The following ITGA11 variants were observed in gnomAD, a reference collection of about 807,000 sequenced individuals.
The protein encoded by ITGA11 is integrin subunit alpha 11.
A neutral mutation model predicts 141.9 loss-of-function variants in ITGA11; 97 were observed. The ratio of observed to expected loss-of-function variants is 0.68; its 90% CI spans 0.58 to 0.81. The LOEUF is 0.81. Ranked by LOEUF, ITGA11 falls within the 30% of genes least tolerant of loss-of-function variation. ITGA11 has a pLI of 0.00. For missense variants in ITGA11, 1,387 were observed against 1,559.2 expected (o/e 0.89, Z 1.86); for synonymous variants, 658 against 624.6 (o/e 1.05, Z -0.80).
At chr15:68,417,976 G>A (rs573373600) in intron 1 of ITGA11, among the ~76,000 whole-genome samples, 1 of 152,352 alleles carries the variant, frequency 6.6e-6, no homozygotes, top group East Asian at 1.9e-4. Flanking sequence ...TCCCACTGGA[G>A]TTTAAGTTCC....
chr15:68,411,058 G>A (rs1010985429), intron 1 of ITGA11, among the ~76,000 whole-genome samples: 1 of 152,244 alleles, frequency 6.6e-6, no homozygotes, highest in African/African-American at 2.4e-5. Context: ...TGGACTGTGA[G>A]CATCCCATGA....
At position 68,300,961 on chromosome 15, in the gene ITGA11, T is replaced by C. The variant is rs576345356; in HGVS notation, c.*2098A>G. 2.0e-5 allele frequency: 3 copies of C among 152,338 alleles called. No individual in the cohort carries two copies. Among genetic ancestry groups the C allele is most frequent in the East Asian group, 1.9e-4 (1 of 5,184 alleles). 9.4% of individuals were successfully genotyped at this position (152,338 alleles called of 1,614,324 possible). ...TTGGTGCTAAGTCAATGAAAACTTATGAGTGTGGGTTCATTAATTCTCATT... is the reference window on the plus strand; with the variant it reads ...TTGGTGCTAAGTCAATGAAAACTTACGAGTGTGGGTTCATTAATTCTCATT... On this transcript the variant is annotated 3_prime_UTR_variant, in exon 30 of 30. Coordinates refer to ENST00000315757, the MANE Select transcript of ITGA11 (RefSeq NM_001004439.2).
chr15:68,426,540 G>T (rs1463975200), intron 1 of ITGA11, among the ~76,000 whole-genome samples: 1 of 152,168 alleles, frequency 6.6e-6, no homozygotes, highest in Non-Finnish European at 1.5e-5. Context: ...TCAGCATCTT[G>T]TTGGAGGAGT....
chr15:68,330,464 T>C (rs1330624518), intron 15 of ITGA11, among the ~76,000 whole-genome samples: 2 of 150,374 alleles, frequency 1.3e-5, no homozygotes, highest in Non-Finnish European at 2.9e-5. Context: ...CTCATCAACA[T>C]ATATGAAAAA....
chr15:68,389,364 C>T (rs1036605894), intron 2 of ITGA11, among the ~76,000 whole-genome samples: 45 of 152,240 alleles, frequency 3.0e-4, no homozygotes, highest in Admixed American at 5.9e-4. Flanking sequence ...TAGTGCTGGG[C>T]CCTGTGGACA....
rs1442347527 is a variant in ITGA11, at chr15:68,305,908, C to T, written c.3381+1440G>A. ...TTCTAAAAGAGAAATGAGGCATGGCCGGGCACGGTGGCTCATGCCTGTAAT... is the reference window on the plus strand; with the variant it reads ...TTCTAAAAGAGAAATGAGGCATGGCTGGGCACGGTGGCTCATGCCTGTAAT... On this transcript the variant is annotated intron_variant, in intron 28 of 29. Transcript: ENST00000315757. This position sits in a 1 kb window ranked among gnomAD's most constrained non-coding sequence, Gnocchi z 4.6. 2.0e-5 allele frequency among the ~76,000 whole-genome samples: 3 copies of T among 151,884 alleles called. No homozygotes were observed. The highest frequency in any genetic ancestry group is 4.1e-4 in the South Asian group (2 of 4,820).
At chr15:68,353,353 A>T (rs151038948) in intron 7 of ITGA11, among the ~76,000 whole-genome samples, 5,339 of 152,276 alleles carry the variant, frequency 0.035, 321 homozygotes, top group African/African-American at 0.12. Flanking sequence ...GGCACGTGCC[A>T]CATGACGAGA....
rs1893905773 is a variant in ITGA11, at chr15:68,324,380, T to A, written c.2322+751A>T. Among the ~76,000 whole-genome samples the A allele has an allele frequency of 6.6e-6, 1 of 152,204 alleles. No homozygotes were observed. The highest frequency in any genetic ancestry group is 2.4e-5 in the African/African-American group (1 of 41,440). On this transcript the variant is annotated intron_variant, in intron 18 of 29. Coordinates refer to ENST00000315757, the MANE Select transcript of ITGA11 (RefSeq NM_001004439.2). The surrounding 1 kb of genome is among the most constrained non-coding windows in gnomAD (Gnocchi z 6.3). Reference sequence around the variant, plus strand: ...ACAGACGTTGCTCAGAGACTGGACCTCACAGAATGGCTTAAGAGCACCGTG... The same window carrying A: ...ACAGACGTTGCTCAGAGACTGGACCACACAGAATGGCTTAAGAGCACCGTG...
Position 68,357,175 on chromosome 15 carries a change from G to T in ITGA11, c.725C>A (p.Thr242Lys). The T allele has an allele frequency of 6.2e-7, 1 of 1,613,402 alleles. No homozygotes were observed. Among genetic ancestry groups the T allele is most frequent in the Non-Finnish European group, 8.5e-7 (1 of 1,179,760 alleles). ...CCGTGCAAATTCAATGCCAAATGCC[G>T]TCCGGGTCTCTGTTCCTCCTCTCTG... is the stretch of plus-strand genomic sequence containing the variant. ...IEQRGGTETRTAFGIEFARSE... is the reference protein window; with the variant it reads ...IEQRGGTETRKAFGIEFARSE... Residue 242 changes from threonine (T) to lysine (K), a missense_variant, in exon 7 of 30, where the codon ACG (threonine) becomes AAG (lysine). By Grantham distance (78) the Thr-to-Lys change is moderately conservative. Transcript: ENST00000315757.
intron 2 of ITGA11, among the ~76,000 whole-genome samples, chr15:68,384,077 A>G (rs965577135): frequency 9.9e-5 from 15 of 151,744 alleles, no homozygotes; most frequent in Admixed American, 9.2e-4. Context: ...CAATGGCTGA[A>G]CTCCTGCCTT....
At chr15:68,349,088 G>A (rs1192622738) in intron 9 of ITGA11, among the ~76,000 whole-genome samples, 188 bp from the exon 10 acceptor site, 1 of 152,198 alleles carries the variant, frequency 6.6e-6, no homozygotes, top group Non-Finnish European at 1.5e-5. Context: ...AGCACCCTGT[G>A]CAGTGGGGGG....
At chr15:68,385,111 A>G (rs1242244389) in intron 2 of ITGA11, among the ~76,000 whole-genome samples, 1 of 152,276 alleles carries the variant, frequency 6.6e-6, no homozygotes, top group Non-Finnish European at 1.5e-5. Context: ...TGGGATTCAC[A>G]TCACCATACC....
intron 2 of ITGA11, among the ~76,000 whole-genome samples, chr15:68,378,074 GT>G (rs1261351859): frequency 6.6e-6 from 1 of 152,252 alleles, no homozygotes; most frequent in Non-Finnish European, 1.5e-5. Context: ...GAGCTTGGGT[GT>G]GCAGGCTGGA....
At chr15:68,316,717 A>G (rs777406838) in intron 21 of ITGA11, among the ~76,000 whole-genome samples, 18 of 152,192 alleles carry the variant, frequency 1.2e-4, no homozygotes, top group Non-Finnish European at 2.1e-4. Context: ...AAGTCCACGC[A>G]GCTTGGCCTC....
At position 68,302,887 on chromosome 15, in the gene ITGA11, C is replaced by A. The variant is rs1165003378; in HGVS notation, c.*172G>T. 5.0e-6 allele frequency: 3 copies of A among 594,484 alleles called. No homozygotes were observed. Among genetic ancestry groups the A allele is most frequent in the Non-Finnish European group, 8.9e-6 (3 of 337,108 alleles). The allele number at this position is 594,484 out of a possible 1,614,324, so 36.8% of individuals were successfully genotyped here. On this transcript the variant is annotated 3_prime_UTR_variant, in exon 30 of 30. Transcript: ENST00000315757. ...CCAGTAGGGCAGTTCCACTTAAAACCAGCTTGAGTTCCATTCTGGAGGGAG... is the reference window on the plus strand; with the variant it reads ...CCAGTAGGGCAGTTCCACTTAAAACAAGCTTGAGTTCCATTCTGGAGGGAG...
rs541972801 is a variant in ITGA11 at position 68,367,705 on chromosome 15, C to T, written c.265+1479G>A. On this transcript the variant is annotated intron_variant, in intron 3 of 29. Coordinates refer to ENST00000315757, the MANE Select transcript of ITGA11 (RefSeq NM_001004439.2). ...AATAAATAGTACAGTGTTTGGTACA[C>T]TCTAGGTGCGCATTAAAGGTTCGGA... Among the ~76,000 whole-genome samples the T allele has an allele frequency of 7.2e-5, 11 of 152,300 alleles. No homozygotes were observed. In the South Asian group the frequency reaches 8.3e-4, roughly 11 times the overall value.
In ITGA11 at chr15:68,357,190, C is replaced by T. The variant is rs772135483; in HGVS notation, c.710G>A (p.Gly237Glu). The change falls in exon 7 of 30, where the codon GGA (glycine) becomes GAA (glutamate). Residue 237 changes from glycine (G) to glutamate (E), a missense_variant. By Grantham distance (98) the Gly-to-Glu change is moderately conservative (BLOSUM62 -2). Coordinates refer to ENST00000315757, the MANE Select transcript of ITGA11 (RefSeq NM_001004439.2). ...GCCAAATGCCGTCCGGGTCTCTGTT[C>T]CTCCTCTCTGCTCAATGTGGCTGGC... ...EAASHIEQRG[G>E]TETRTAFGIE... 3.1e-6 allele frequency: 5 copies of T among 1,613,718 alleles called. No individual in the cohort carries two copies. The highest frequency in any genetic ancestry group is 1.7e-6 in the Non-Finnish European group (2 of 1,179,874).
At chr15:68,340,323 C>T (rs1894525064) in intron 10 of ITGA11, among the ~76,000 whole-genome samples, 1 of 152,114 alleles carries the variant, frequency 6.6e-6, no homozygotes, top group African/African-American at 2.4e-5. Context: ...CAGGAAAAGT[C>T]TTCGAGGATG....
In ITGA11 at chr15:68,299,871, T is replaced by C. The variant is rs1892989377; in HGVS notation, c.*3188A>G. On this transcript the variant is annotated 3_prime_UTR_variant, in exon 30 of 30. Transcript: ENST00000315757. ...GCAGAGCTATTCCATAGTGTCTCCA[T>C]TGTGTTTGCATTAGCACTTTGCCCT... 1 of 152,186 alleles carries C rather than the reference T, an allele frequency of 6.6e-6. No individual in the cohort carries two copies. Among genetic ancestry groups the C allele is most frequent in the Non-Finnish European group, 1.5e-5 (1 of 68,036 alleles). 9.4% of individuals were successfully genotyped at this position (152,186 alleles called of 1,614,324 possible).
Sources: gnomAD v4.1 joint callset for allele counts (sites outside exome capture counted in the v4.1 genomes callset) on GRCh38, gnomAD v4.1.1 for gene constraint, Gnocchi (gnomAD v3.1) non-coding constraint, MANE v1.5 for transcripts, NCBI Gene and HGNC (gene_info 2026-07-23, HGNC 2026-07-21) for gene names.